The following NDEL1 variants were observed in gnomAD, a reference collection of about 807,000 sequenced individuals.
NDEL1 encodes nudE neurodevelopment protein 1 like 1.
A neutral mutation model predicts 45.7 loss-of-function variants in NDEL1; 9 were observed. The observed-to-expected ratio is 0.20, with a 90% CI of 0.12 to 0.34. The LOEUF is 0.34. NDEL1 is among the 10% of genes least tolerant of loss of function. The pLI is 1.00. For missense variants in NDEL1, 306 were observed against 406.2 expected (o/e 0.75, Z 2.12); for synonymous variants, 133 against 158.6 (o/e 0.84, Z 1.21).
intron 1 of NDEL1, among the ~76,000 whole-genome samples, chr17:8,437,711 T>C (rs1909441429): frequency 6.6e-6 from 1 of 152,192 alleles, no homozygotes. Flanking sequence ...CAGTCCATTT[T>C]AGAACTGTTA....
intron 7 of NDEL1, among the ~76,000 whole-genome samples, chr17:8,457,066 G>A (rs947008776): frequency 3.9e-5 from 6 of 152,230 alleles, no homozygotes; most frequent in African/African-American, 1.4e-4. Flanking sequence ...TTCTTTAACT[G>A]TAATTTACTC....
Position 8,467,006 on chromosome 17 carries a change from C to T in NDEL1, c.1021C>T (p.Leu341=). 1 of 1,614,160 alleles carries T rather than the reference C, an allele frequency of 6.2e-7. No homozygotes were observed. The highest frequency in any genetic ancestry group is 8.5e-7 in the Non-Finnish European group (1 of 1,180,036). ...SSRPSSAPGM[L]PLSV ...GCGTCCATCGTCAGCGCCGGGTATG[C>T]TGCCTCTCAGTGTGTGAGTGCCTAG... The change falls in exon 9 of 9, where the codon CTG becomes TTG. Residue 341 remains leucine, a synonymous_variant. Transcript: ENST00000334527. The surrounding 1 kb of genome is among the most constrained non-coding windows in gnomAD (Gnocchi z 6.3).
At chr17:8,419,132 G>A (rs1908642755) in intron 1 of NDEL1, among the ~76,000 whole-genome samples, 1 of 152,094 alleles carries the variant, frequency 6.6e-6, no homozygotes, top group South Asian at 2.1e-4. Flanking sequence ...TTACAGGTGT[G>A]AGTCACCACA....
chr17:8,443,740 C>T (rs1352245432), intron 1 of NDEL1, among the ~76,000 whole-genome samples: 4 of 152,018 alleles, frequency 2.6e-5, no homozygotes, highest in African/African-American at 9.7e-5. Flanking sequence ...AGATGATTAA[C>T]AGGAGGTTTT....
chr17:8,421,724 T>C (rs1222187335), intron 1 of NDEL1, among the ~76,000 whole-genome samples: 1 of 152,198 alleles, frequency 6.6e-6, no homozygotes, highest in East Asian at 1.9e-4. Flanking sequence ...ATGAAGTGGT[T>C]CATTCTGCAA....
intron 1 of NDEL1, among the ~76,000 whole-genome samples, chr17:8,420,275 C>CGAG (rs1908670000): frequency 6.6e-6 from 1 of 152,298 alleles, no homozygotes; most frequent in African/African-American, 2.4e-5. Context: ...AAAGCACTTA[C>CGAG]GAGAGTTAAG....
At chr17:8,441,066 A>C (rs1909701352) in intron 1 of NDEL1, among the ~76,000 whole-genome samples, 1 of 152,222 alleles carries the variant, frequency 6.6e-6, no homozygotes, top group South Asian at 2.1e-4. Flanking sequence ...GGGCCACACT[A>C]CTAGCAATAT....
intron 1 of NDEL1, among the ~76,000 whole-genome samples, chr17:8,414,892 C>T (rs1399389411): frequency 2.0e-5 from 3 of 152,114 alleles, no homozygotes; most frequent in African/African-American, 7.2e-5. Flanking sequence ...ATATGATCAA[C>T]ACATTAGATT....
chr17:8,427,601 G>A (rs1001802810), intron 1 of NDEL1, among the ~76,000 whole-genome samples: 9 of 152,126 alleles, frequency 5.9e-5, no homozygotes, highest in African/African-American at 2.2e-4. Flanking sequence ...ACTCGGGGGC[G>A]GGAGGCTGAG....
Position 8,427,733 on chromosome 17 carries a change from CAATA to C in NDEL1, c.-13+14467_-13+14470del, listed in dbSNP as rs200848279. Among the ~76,000 whole-genome samples, 681 of 152,108 alleles carry C rather than the reference CAATA, an allele frequency of 4.5e-3. 2 individuals carry two copies. The highest frequency in any genetic ancestry group is 0.015 in the African/African-American group (642 of 41,512). On this transcript the variant is annotated intron_variant, in intron 1 of 4. Coordinates refer to the NDEL1 transcript ENST00000582812. ...AAAACAAAAACAAAAAACAGACAAACAATAAAACCACCCAAAGTCTTGGAGGGGG... is the reference window on the plus strand; with the variant it reads ...AAAACAAAAACAAAAAACAGACAAACAAACCACCCAAAGTCTTGGAGGGGG...
At chr17:8,420,075 C>T (rs964121301) in intron 1 of NDEL1, among the ~76,000 whole-genome samples, 2 of 152,132 alleles carry the variant, frequency 1.3e-5, no homozygotes, top group Non-Finnish European at 2.9e-5. Flanking sequence ...TCAACACTTC[C>T]CTGGTTTTCT....
At chr17:8,434,642 A>G (rs1488513352), upstream of NDEL1, among the ~76,000 whole-genome samples, 2 of 152,068 alleles carry the variant, frequency 1.3e-5, no homozygotes, top group African/African-American at 4.8e-5. Flanking sequence ...TCCCTATGTA[A>G]GTTGCCTATC....
chr17:8,421,038 C>A lies in NDEL1; in HGVS notation c.-13+7769C>A, dbSNP rs1404537640. ...GGTAAGAGATGCACATTTGAAATTT[C>A]AATAGTTAGGTATTTATTTTAGGGA... On this transcript the variant is annotated intron_variant, in intron 1 of 4. Transcript: ENST00000582812. 5.3e-5 allele frequency among the ~76,000 whole-genome samples: 8 copies of A among 152,166 alleles called. No homozygotes were observed. In the East Asian group the frequency reaches 7.7e-4, roughly 15 times the overall value.
intron 1 of NDEL1, among the ~76,000 whole-genome samples, chr17:8,417,322 C>T (rs1019115803): frequency 6.6e-6 from 1 of 152,102 alleles, no homozygotes; most frequent in Admixed American, 6.5e-5. Flanking sequence ...CCCACCTTGG[C>T]CTCCCAAAGT....
At chr17:8,449,660 A>G (rs1354683245) in intron 5 of NDEL1, among the ~76,000 whole-genome samples, 1 of 152,182 alleles carries the variant, frequency 6.6e-6, no homozygotes, top group East Asian at 1.9e-4. Flanking sequence ...TGACTGGTTT[A>G]TTGCATTTAG....
intron 6 of NDEL1, among the ~76,000 whole-genome samples, chr17:8,454,139 G>A (rs1215705575): frequency 6.6e-6 from 1 of 152,036 alleles, no homozygotes; most frequent in Non-Finnish European, 1.5e-5. Flanking sequence ...ACATTAAGAT[G>A]GAAAAGCCAA....
intron 5 of NDEL1, among the ~76,000 whole-genome samples, chr17:8,449,772 G>T (rs1910351057): frequency 6.6e-6 from 1 of 151,976 alleles, no homozygotes; most frequent in Non-Finnish European, 1.5e-5. Flanking sequence ...TTCTTTATCT[G>T]TTCATCTGTG....
chr17:8,470,015 C>T (rs372875693), downstream of NDEL1, among the ~76,000 whole-genome samples: 19 of 151,878 alleles, frequency 1.3e-4, no homozygotes, highest in African/African-American at 1.5e-4. The surrounding 1 kb of genome is among the most constrained non-coding windows in gnomAD (Gnocchi z 4.2). Flanking sequence ...GCCTTAGTGA[C>T]GTTTTTTTTG....
chr17:8,434,847 G>A (rs1909163037), upstream of NDEL1, among the ~76,000 whole-genome samples: 1 of 151,764 alleles, frequency 6.6e-6, no homozygotes, highest in Non-Finnish European at 1.5e-5. Flanking sequence ...CGAGGCGGGC[G>A]GATCACGAGG....
Sources: gnomAD v4.1 joint callset for allele counts (sites outside exome capture counted in the v4.1 genomes callset) on GRCh38, gnomAD v4.1.1 for gene constraint, Gnocchi (gnomAD v3.1) non-coding constraint, MANE v1.5 for transcripts, NCBI Gene and HGNC (gene_info 2026-07-23, HGNC 2026-07-21) for gene names.